AFMID: variants seen among roughly 807,000 people sequenced by gnomAD.
AFMID encodes the protein arylformamidase, also known as kynurenine formamidase.
Under a neutral mutation model 47.5 loss-of-function variants are expected in AFMID, and 39 were observed. The ratio of observed to expected loss-of-function variants is 0.82; its 90% CI spans 0.64 to 1.07. The LOEUF is 1.07. AFMID is among the 50% of genes least tolerant of loss of function. The pLI, the probability that AFMID is intolerant of heterozygous loss-of-function variation, is 0.00. For synonymous variants in AFMID, 130 were observed against 153.2 expected (o/e 0.85, Z 1.12); for missense variants, 375 against 387.5 (o/e 0.97, Z 0.27).
At chr17:78,189,999 T>G (rs1322660950) in intron 1 of AFMID, among the ~76,000 whole-genome samples, 1 of 151,524 alleles carries the variant, frequency 6.6e-6, no homozygotes, top group Non-Finnish European at 1.5e-5. Flanking sequence ...GCCTGGTTAA[T>G]TTTTGTATTT....
rs1163959276 is a variant in AFMID, at chr17:78,207,273, CTTTTTTTTTTTTTTT to C, written c.*350_*364del. 1 of 82,550 alleles carries C rather than the reference CTTTTTTTTTTTTTTT, an allele frequency of 1.2e-5. No homozygotes were observed. Among genetic ancestry groups the C allele is most frequent in the South Asian group, 2.0e-4 (1 of 4,992 alleles). The allele number at this position is 82,550 out of a possible 1,614,324, so 5.1% of individuals were successfully genotyped here. Reference sequence around the variant, plus strand: ...ACGCTCAAAAGTAATGCCATTACTTCTTTTTTTTTTTTTTTTTTTTTTTTTTTTGAGATGGAGTCT... The same window carrying C: ...ACGCTCAAAAGTAATGCCATTACTTCTTTTTTTTTTTTTGAGATGGAGTCT... On this transcript the variant is annotated 3_prime_UTR_variant, in exon 11 of 11. Transcript: ENST00000409257.
In AFMID at chr17:78,206,964, A is replaced by C. The variant is rs1171336769; in HGVS notation, c.*27A>C. ...TCTGACGATACTTGGAGCCTGGTCC[A>C]CGTGCATCCCACCTTGGGAAGCCTC... On this transcript the variant is annotated 3_prime_UTR_variant, in exon 11 of 11. Coordinates refer to ENST00000409257, the MANE Select transcript of AFMID (RefSeq NM_001010982.5). 6.2e-7 allele frequency: 1 copy of C among 1,613,076 alleles called. No homozygotes were observed. The highest frequency in any genetic ancestry group is 1.7e-5 in the Admixed American group (1 of 59,974).
At chr17:78,194,221 G>A (rs1035824195) in intron 2 of AFMID, among the ~76,000 whole-genome samples, 8 of 150,514 alleles carry the variant, frequency 5.3e-5, no homozygotes, top group Non-Finnish European at 1.5e-5. Context: ...AGCCATTCTT[G>A]TGTCTCACAT....
chr17:78,187,430 A>G lies in AFMID; in HGVS notation c.60A>G (p.Ala20=). ...PSKVPWKKMS[A]EELENQYCPS... ...AGGTTCCTTGGAAGAAGATGTCTGC[A>G]GAGGTAGGTGGATTGCAGGGAGGGA... Residue 20 remains alanine (A), a synonymous_variant, in exon 1 of 11, where the codon GCA becomes GCG. Transcript: ENST00000409257. 1 of 1,613,928 alleles carries G rather than the reference A, an allele frequency of 6.2e-7. No individual in the cohort carries two copies. Among genetic ancestry groups the G allele is most frequent in the Non-Finnish European group, 8.5e-7 (1 of 1,179,946 alleles).
At chr17:78,202,637 TG>T in intron 3 of AFMID, 34 bp downstream of exon 3, 1 of 1,423,638 alleles carries the variant, frequency 7.0e-7, no homozygotes, top group Non-Finnish European at 9.8e-7. Flanking sequence ...TCCCGGGGCT[TG>T]GGGGTCCAGT....
chr17:78,198,560 A>G (rs994293720), intron 2 of AFMID, among the ~76,000 whole-genome samples: 1 of 151,352 alleles, frequency 6.6e-6, no homozygotes, highest in Non-Finnish European at 1.5e-5. Flanking sequence ...GATCACTTGA[A>G]CCCAGGAAAC....
intron 1 of AFMID, among the ~76,000 whole-genome samples, chr17:78,188,099 C>T (rs2075852286): frequency 6.6e-6 from 1 of 150,378 alleles, no homozygotes. Context: ...TTCAGAACAG[C>T]TGGTATTTAC....
intron 2 of AFMID, among the ~76,000 whole-genome samples, chr17:78,194,466 G>C (rs1462626232): frequency 6.6e-6 from 1 of 151,778 alleles, no homozygotes; most frequent in Admixed American, 6.6e-5. Flanking sequence ...ATTTGTATTC[G>C]TCCTTACAAT....
chr17:78,202,009 C>T (rs991357939), intron 2 of AFMID, among the ~76,000 whole-genome samples: 1 of 151,210 alleles, frequency 6.6e-6, no homozygotes, highest in Admixed American at 6.6e-5. Flanking sequence ...GGATTATAGG[C>T]GTGAGCCACT....
intron 2 of AFMID, among the ~76,000 whole-genome samples, chr17:78,196,543 G>A (rs1261930844): frequency 6.6e-6 from 1 of 152,094 alleles, no homozygotes; most frequent in East Asian, 1.9e-4. Flanking sequence ...GCCAGGCATA[G>A]TGGCACATGC....
intron 2 of AFMID, among the ~76,000 whole-genome samples, chr17:78,199,856 G>C: frequency 6.6e-6 from 1 of 152,162 alleles, no homozygotes; most frequent in Non-Finnish European, 1.5e-5. Flanking sequence ...CCCTGATGGT[G>C]CCTGAGCACA....
At chr17:78,203,813 C>G (rs898528386) in intron 4 of AFMID, 2 of 152,174 alleles carry the variant, frequency 1.3e-5, no homozygotes, top group South Asian at 2.1e-4. Context: ...CACTTGAGGT[C>G]AGGAGTTCGA....
At chr17:78,198,792 G>A (rs1433821673) in intron 2 of AFMID, among the ~76,000 whole-genome samples, 1 of 152,080 alleles carries the variant, frequency 6.6e-6, no homozygotes. Context: ...TTGGGCGACA[G>A]AGCGAGCCTC....
Position 78,195,046 on chromosome 17 carries a change from A to C in AFMID, c.154+3986A>C, listed in dbSNP as rs146231199. Among the ~76,000 whole-genome samples, 15 of 152,298 alleles carry C rather than the reference A, an allele frequency of 9.8e-5. No homozygotes were observed. In the East Asian group the frequency reaches 1.7e-3, roughly 18 times the overall value. ...AATGCTGTATATATTTTTTATCCAG[A>C]TACAAAAGTTCAAATTCTGTATGAT... On this transcript the variant is annotated intron_variant, in intron 2 of 10. Transcript: ENST00000409257.
At chr17:78,197,242 G>A (rs1276155581) in intron 2 of AFMID, 3 of 1,543,022 alleles carry the variant, frequency 1.9e-6, no homozygotes, top group African/African-American at 1.4e-5. Context: ...GCTGGGGCAG[G>A]GTTGTTGGCA....
In AFMID at chr17:78,187,960, C is replaced by CAAAAAA. The variant is rs34018698; in HGVS notation, c.63+551_63+556dup. Among the ~76,000 whole-genome samples the CAAAAAA allele has an allele frequency of 4.4e-4, 25 of 56,672 alleles. 2 individuals are homozygous for CAAAAAA. Among genetic ancestry groups the CAAAAAA allele is most frequent in the African/African-American group, 1.7e-3 (22 of 12,936 alleles). The allele number at this position is 56,672 out of a possible 152,430, so 37.2% of individuals were successfully genotyped here. ...TGGGCGATAGACCAAGACTTAGTCTCAAAAAAAAAAAAAAAAAAAAAAAAA... is the reference window on the plus strand; with the variant it reads ...TGGGCGATAGACCAAGACTTAGTCTCAAAAAAAAAAAAAAAAAAAAAAAAAAAAAAA... On this transcript the variant is annotated intron_variant, in intron 1 of 10. Coordinates refer to ENST00000409257, the MANE Select transcript of AFMID (RefSeq NM_001010982.5).
chr17:78,190,949 C>T lies in AFMID; in HGVS notation c.64-21C>T, dbSNP rs780115288. ...TGTTGAGAAGGAAAGTCTTACGGAGCCTCATGTTTGTGCCCTGCAGGAGCT... is the reference window on the plus strand; with the variant it reads ...TGTTGAGAAGGAAAGTCTTACGGAGTCTCATGTTTGTGCCCTGCAGGAGCT... On this transcript the variant is annotated intron_variant, in intron 1 of 10. Transcript: ENST00000409257. 60 of 1,609,882 alleles carry T rather than the reference C, an allele frequency of 3.7e-5. No homozygotes were observed. In the South Asian group the frequency reaches 6.1e-4, roughly 16 times the overall value.
rs2076370930 is a variant in AFMID, at chr17:78,206,005, T to C, written c.840T>C (p.Phe280=). 1 of 1,613,994 alleles carries C rather than the reference T, an allele frequency of 6.2e-7. No individual in the cohort carries two copies. Among genetic ancestry groups the C allele is most frequent in the Non-Finnish European group, 8.5e-7 (1 of 1,180,010 alleles). Residue 280 remains phenylalanine (F), a synonymous_variant, in exon 10 of 11, where the codon TTT becomes TTC. Transcript: ENST00000409257. The stretch of plus-strand genomic sequence containing the variant: ...AAGAGCTCCACGATGTGGACCACTT[T>C]GAAATTGTTGAGAATCTGACCCAGA... ...SFEELHDVDH[F]EIVENLTQKD...
chr17:78,197,325 C>A (rs2076139599), intron 2 of AFMID: 1 of 938,626 alleles, frequency 1.1e-6, no homozygotes, highest in East Asian at 2.7e-5. Flanking sequence ...AGAATTCTAC[C>A]CCTGAGAGTG....
Sources: allele counts gnomAD v4.1 joint callset (sites outside exome capture counted in the v4.1 genomes callset), GRCh38; gene constraint gnomAD v4.1.1; transcripts MANE v1.5; gene names NCBI Gene and HGNC (gene_info 2026-07-23, HGNC 2026-07-21).